Variants in DLG2 observed in about 807,000 individuals in gnomAD.
The protein encoded by DLG2 is disks large homolog 2.
In DLG2, 45 loss-of-function variants were observed where a neutral mutation model predicts 132.5. That is an observed-to-expected ratio of 0.34 (90% CI 0.27 to 0.44). The LOEUF is 0.44. Among genes scored for constraint, DLG2 ranks in the 20% least tolerant of loss-of-function variants. The pLI, the probability that DLG2 is intolerant of heterozygous loss-of-function variation, is 1.00. For missense variants in DLG2, 1,045 were observed against 1,196.9 expected (o/e 0.87, Z 1.87); for synonymous variants, 424 against 419.6 (o/e 1.01, Z -0.13).
chr11:83,535,818 C>T (rs2095864730), intron 20 of DLG2, among the ~76,000 whole-genome samples: 1 of 152,144 alleles, frequency 6.6e-6, no homozygotes, highest in East Asian at 1.9e-4. Context: ...AGTTCCTTCA[C>T]ATTTACATCA....
At chr11:83,819,962 C>T (rs1438886234) in intron 17 of DLG2, among the ~76,000 whole-genome samples, 3 of 95,476 alleles carry the variant, frequency 3.1e-5, no homozygotes, top group African/African-American at 1.9e-4. Flanking sequence ...TAATAATAAA[C>T]AAAGTCACAA....
intron 6 of DLG2, among the ~76,000 whole-genome samples, chr11:84,636,397 A>G (rs1307069008): frequency 1.3e-5 from 2 of 152,172 alleles, no homozygotes; most frequent in African/African-American, 2.4e-5. Flanking sequence ...TGATTCTGCT[A>G]CCTACCAGCT....
At chr11:83,727,999 C>T (rs1294918857) in intron 18 of DLG2, among the ~76,000 whole-genome samples, 3 of 152,154 alleles carry the variant, frequency 2.0e-5, no homozygotes, top group African/African-American at 7.2e-5. Flanking sequence ...AGTGGTATCA[C>T]AATTGTAGTG....
chr11:83,823,402 T>G lies in DLG2; in HGVS notation c.1722+10212A>C, dbSNP rs2051427077. Among the ~76,000 whole-genome samples the G allele has an allele frequency of 2.6e-5, 4 of 152,196 alleles. No homozygotes were observed. In the South Asian group the frequency reaches 8.3e-4, roughly 31 times the overall value. Reference sequence around the variant, plus strand: ...ACATATTTTAAATGATCATCAAGTATTTAGCATTTAATATGTAATAGAATA... The same window carrying G: ...ACATATTTTAAATGATCATCAAGTAGTTAGCATTTAATATGTAATAGAATA... On this transcript the variant is annotated intron_variant, in intron 17 of 27. Coordinates refer to ENST00000376104, the MANE Select transcript of DLG2 (RefSeq NM_001142699.3).
intron 7 of DLG2, among the ~76,000 whole-genome samples, chr11:84,532,201 C>T (rs1424447266): frequency 7.0e-6 from 1 of 143,624 alleles, no homozygotes; most frequent in Non-Finnish European, 1.5e-5. Flanking sequence ...AATTTGGACT[C>T]TCCCTATTCC....
At chr11:84,919,799 C>T (rs951757544) in intron 6 of DLG2, among the ~76,000 whole-genome samples, 2 of 152,164 alleles carry the variant, frequency 1.3e-5, no homozygotes, top group Non-Finnish European at 2.9e-5. Context: ...ACATCTGATG[C>T]AACAAGCTTC....
chr11:83,494,681 G>T (rs1317857062), intron 21 of DLG2, among the ~76,000 whole-genome samples: 1 of 151,824 alleles, frequency 6.6e-6, no homozygotes, highest in Non-Finnish European at 1.5e-5. Flanking sequence ...TTAGTGATGA[G>T]GTGAGAACTC....
At chr11:84,537,337 C>T (rs576564170) in intron 6 of DLG2, among the ~76,000 whole-genome samples, 103 of 152,126 alleles carry the variant, frequency 6.8e-4, no homozygotes, top group African/African-American at 2.2e-3. Context: ...GAACTCTTAC[C>T]GCAGGTGATC....
intron 18 of DLG2, among the ~76,000 whole-genome samples, chr11:83,649,779 T>C (rs2069491804): frequency 6.6e-6 from 1 of 152,044 alleles, no homozygotes; most frequent in African/African-American, 2.4e-5. Context: ...AAGGGAGGCA[T>C]AAGGGAATTT....
intron 6 of DLG2, chr11:84,720,248 C>T: frequency 1.0e-6 from 1 of 983,678 alleles, no homozygotes; most frequent in South Asian, 4.7e-5. Context: ...ATTGTTCTCT[C>T]CCCCGAGGGA....
Position 85,154,586 on chromosome 11 carries a change from ACT to A in DLG2, c.250_251del (p.Ser84PhefsTer2), listed in dbSNP as rs1234590918. The A allele has an allele frequency of 3.9e-6, 6 of 1,531,224 alleles. No individual in the cohort carries two copies. Among genetic ancestry groups the A allele is most frequent in the Non-Finnish European group, 5.3e-6 (6 of 1,129,726 alleles). 94.9% of individuals were successfully genotyped at this position (1,531,224 alleles called of 1,614,324 possible). On this transcript the variant is annotated frameshift_variant, in exon 5 of 28. Coordinates refer to ENST00000376104, the MANE Select transcript of DLG2 (RefSeq NM_001142699.3). LOFTEE classifies it high-confidence loss of function. ...SCIEQNKENQ[S>X]FENETDETTT... ...TCGTCTCATCAGTTTCATTTTCAAAACTCTGATTTTCTTTATTTTGCTCAATA... is the reference window on the plus strand; with the variant it reads ...TCGTCTCATCAGTTTCATTTTCAAAACTGATTTTCTTTATTTTGCTCAATA...
intron 6 of DLG2, chr11:84,800,634 T>G (rs1194800144): frequency 6.6e-6 from 1 of 152,138 alleles, no homozygotes; most frequent in Admixed American, 6.5e-5. Flanking sequence ...TTGATCATAT[T>G]TTTCTATCAC....
rs564415959 is a variant in DLG2, at chr11:84,549,894, C to G, written c.358-15163G>C. On this transcript the variant is annotated intron_variant, in intron 6 of 27. Transcript: ENST00000376104. ...TCAGACTCCTAAGTAGCTGAGATTA[C>G]AGGCTTGCACCACCACGCCTGGATA... Among the ~76,000 whole-genome samples the G allele has an allele frequency of 1.2e-4, 19 of 152,190 alleles. No homozygotes were observed. The South Asian group carries it at 3.1e-3, about 25-fold the overall frequency.
At chr11:85,359,680 G>A (rs2083995547) in intron 3 of DLG2, among the ~76,000 whole-genome samples, 3 of 152,126 alleles carry the variant, frequency 2.0e-5, no homozygotes, top group Non-Finnish European at 4.4e-5. Flanking sequence ...GACAGTTCAG[G>A]CAATGCTCTT....
intron 15 of DLG2, among the ~76,000 whole-genome samples, chr11:83,926,171 T>G (rs557470899): frequency 6.6e-6 from 1 of 152,116 alleles, no homozygotes; most frequent in African/African-American, 2.4e-5. Context: ...CCCTGAATGT[T>G]TGCTATTAAT....
At chr11:84,833,658 G>C (rs758861521) in intron 6 of DLG2, among the ~76,000 whole-genome samples, 51 of 151,194 alleles carry the variant, frequency 3.4e-4, no homozygotes, top group South Asian at 2.1e-4. Context: ...TGGCAGTTGT[G>C]GGGGGGTGGG....
intron 9 of DLG2, among the ~76,000 whole-genome samples, chr11:84,102,106 T>G (rs1260539817): frequency 6.6e-6 from 1 of 152,178 alleles, no homozygotes; most frequent in Non-Finnish European, 1.5e-5. Flanking sequence ...TTTGAAGATG[T>G]GGCTCAGACG....
chr11:85,123,097 C>T (rs1365581766), intron 5 of DLG2, among the ~76,000 whole-genome samples: 4 of 149,496 alleles, frequency 2.7e-5, no homozygotes, highest in Admixed American at 6.7e-5. Flanking sequence ...CCTGCCTCAG[C>T]CTCCCAAGTA....
intron 3 of DLG2, among the ~76,000 whole-genome samples, chr11:85,464,416 G>A (rs1031429062): frequency 6.6e-6 from 1 of 152,088 alleles, no homozygotes; most frequent in East Asian, 1.9e-4. Flanking sequence ...GCAAGGGAAG[G>A]GGTGCTCCTG....
Sources: gnomAD v4.1 joint callset for allele counts (sites outside exome capture counted in the v4.1 genomes callset) on GRCh38, gnomAD v4.1.1 for gene constraint, MANE v1.5 for transcripts, NCBI Gene and HGNC (gene_info 2026-07-23, HGNC 2026-07-21) for gene names.